PLXDC2: variants seen among roughly 807,000 people sequenced by gnomAD.
The protein encoded by PLXDC2 is plexin domain containing 2, also known as plexin domain-containing protein 2.
Under a neutral mutation model 68.9 loss-of-function variants are expected in PLXDC2, and 40 were observed. The observed-to-expected ratio is 0.58, with a 90% confidence interval of 0.45 to 0.76. The LOEUF is 0.76. PLXDC2 is among the 30% of genes least tolerant of loss of function. The probability of loss-of-function intolerance (pLI) is 0.00; values close to 1 mark genes in which losing one functional copy is unlikely to be tolerated. For synonymous variants in PLXDC2, 243 were observed against 234.2 expected (o/e 1.04, Z -0.34); for missense variants, 644 against 661.9 (o/e 0.97, Z 0.30).
At chr10:19,915,151 C>T (rs901097683) in intron 1 of PLXDC2, among the ~76,000 whole-genome samples, 1 of 152,062 alleles carries the variant, frequency 6.6e-6, no homozygotes, top group Non-Finnish European at 1.5e-5. Flanking sequence ...CTCAACTCTG[C>T]CATTTTAATA....
Position 19,883,711 on chromosome 10 carries a change from G to GAGAGA in PLXDC2, c.112+66524_112+66528dup, listed in dbSNP as rs1033042018. On this transcript the variant is annotated intron_variant, in intron 1 of 13. Transcript: ENST00000377252. Reference sequence around the variant, plus strand: ...TCTTCAGACTTGAAAAAAAAATTCAGAGAGAAGAATGGGTAATAAAAAGAA... The same window carrying GAGAGA: ...TCTTCAGACTTGAAAAAAAAATTCAGAGAGAAGAGAAGAATGGGTAATAAAAAGAA... Among the ~76,000 whole-genome samples the GAGAGA allele has an allele frequency of 1.5e-4, 23 of 151,636 alleles. 1 individual carries two copies. Among genetic ancestry groups the GAGAGA allele is most frequent in the African/African-American group, 5.1e-4 (21 of 41,296 alleles).
At chr10:20,068,090 G>A (rs1191522660) in intron 3 of PLXDC2, 80 bp from the exon 4 acceptor site, 3 of 1,235,718 alleles carry the variant, frequency 2.4e-6, no homozygotes, top group Non-Finnish European at 2.3e-6. Context: ...CATCATTTTT[G>A]TTTTAAGTGA....
intron 1 of PLXDC2, among the ~76,000 whole-genome samples, chr10:19,984,987 T>C (rs1834612535): frequency 6.6e-6 from 1 of 152,238 alleles, no homozygotes; most frequent in South Asian, 2.1e-4. Flanking sequence ...TAAAAGGAAA[T>C]TGCATTTCTG....
At position 20,146,976 on chromosome 10, in the gene PLXDC2, T is replaced by G. The variant is rs149533324; in HGVS notation, c.665-808T>G. Among the ~76,000 whole-genome samples the G allele has an allele frequency of 2.7e-3, 410 of 152,210 alleles. 3 individuals are homozygous for G. The highest frequency in any genetic ancestry group is 8.6e-3 in the African/African-American group (358 of 41,540). On this transcript the variant is annotated intron_variant, in intron 5 of 13. Transcript: ENST00000377252. ...AAACAGAAAAATCTAATATTTAGAG[T>G]GAAGAAAAAGTCTTAGCAGCTCATT...
intron 12 of PLXDC2, among the ~76,000 whole-genome samples, chr10:20,231,393 G>A (rs1835361985): frequency 6.6e-6 from 1 of 151,248 alleles, no homozygotes; most frequent in African/African-American, 2.4e-5. Flanking sequence ...TTTGTAGAAT[G>A]CTGCTAAAAA....
At chr10:19,927,713 CAAAAAAAAAAAAA>C (rs35250324) in intron 1 of PLXDC2, among the ~76,000 whole-genome samples, 1 of 53,142 alleles carries the variant, frequency 1.9e-5, no homozygotes, top group Admixed American at 3.4e-4. Context: ...GGAAAAAAAG[CAAAAAAAAAAAAA>C]AAAAAAAAAA....
intron 1 of PLXDC2, among the ~76,000 whole-genome samples, chr10:19,821,231 G>T (rs1403577417): frequency 2.0e-5 from 3 of 152,184 alleles, no homozygotes; most frequent in African/African-American, 7.2e-5. Flanking sequence ...TCCCCTGCCT[G>T]TTCTTGAAAG....
rs77346042 is a variant in PLXDC2 at position 20,159,797 on chromosome 10, G to A, written c.784-4671G>A. ...TTCAGTCAAGCCCTTTACATGTGCC[G>A]GTACATCTACCCACAGTTGTTTCCC... On this transcript the variant is annotated intron_variant, in intron 6 of 13. Coordinates refer to ENST00000377252, the MANE Select transcript of PLXDC2 (RefSeq NM_032812.9). Among the ~76,000 whole-genome samples, 1,075 of 152,162 alleles carry A rather than the reference G, an allele frequency of 7.1e-3. 18 individuals carry two copies. Among genetic ancestry groups the A allele is most frequent in the African/African-American group, 0.025 (1,023 of 41,504 alleles).
At chr10:20,121,919 C>T (rs1263198688) in intron 4 of PLXDC2, among the ~76,000 whole-genome samples, 1 of 152,002 alleles carries the variant, frequency 6.6e-6, no homozygotes, top group African/African-American at 2.4e-5. Flanking sequence ...TGGCATCAAT[C>T]GGGGTAAGGG....
At chr10:20,122,307 G>T (rs531140387) in intron 4 of PLXDC2, among the ~76,000 whole-genome samples, 1 of 152,162 alleles carries the variant, frequency 6.6e-6, no homozygotes, top group Non-Finnish European at 1.5e-5. Context: ...AATGCGGAGT[G>T]AGTAGCCTCC....
At chr10:20,174,360 A>G (rs963711370) in intron 7 of PLXDC2, among the ~76,000 whole-genome samples, 6 of 152,156 alleles carry the variant, frequency 3.9e-5, no homozygotes, top group Non-Finnish European at 5.9e-5. Context: ...ACTATGTACC[A>G]TGAAACCAGC....
chr10:20,261,887 A>G (rs1301284365), intron 13 of PLXDC2, among the ~76,000 whole-genome samples: 1 of 152,082 alleles, frequency 6.6e-6, no homozygotes, highest in Non-Finnish European at 1.5e-5. Context: ...GCAAAGAATA[A>G]TATCCCTACA....
chr10:19,981,154 A>G (rs565348583), intron 1 of PLXDC2, among the ~76,000 whole-genome samples: 15 of 152,284 alleles, frequency 9.9e-5, no homozygotes, highest in Admixed American at 2.0e-4. Flanking sequence ...TGAATCTTCA[A>G]TAGTTGAATC....
chr10:20,195,275 C>G (rs1834822421), intron 9 of PLXDC2, among the ~76,000 whole-genome samples: 1 of 152,108 alleles, frequency 6.6e-6, no homozygotes, highest in Non-Finnish European at 1.5e-5. Context: ...TCCTTGAACT[C>G]TGGACAGAGC....
chr10:19,857,820 A>G (rs1372611447), intron 1 of PLXDC2, among the ~76,000 whole-genome samples: 1 of 152,194 alleles, frequency 6.6e-6, no homozygotes, highest in African/African-American at 2.4e-5. Flanking sequence ...ATGTAAAGAA[A>G]TCTTATTTAC....
At chr10:19,876,345 T>C (rs1322820004) in intron 1 of PLXDC2, among the ~76,000 whole-genome samples, 2 of 152,168 alleles carry the variant, frequency 1.3e-5, no homozygotes, top group Non-Finnish European at 2.9e-5. Flanking sequence ...GTGAAATGTA[T>C]ACAAAGATGT....
chr10:20,093,237 T>A lies in PLXDC2; in HGVS notation c.541+24998T>A, dbSNP rs527612289. ...ATTTCGTGTATAAAATAAATCACCATAATATTTATTTTTGTTTTCTTTCTC... is the reference window on the plus strand; with the variant it reads ...ATTTCGTGTATAAAATAAATCACCAAAATATTTATTTTTGTTTTCTTTCTC... On this transcript the variant is annotated intron_variant, in intron 4 of 13. Transcript: ENST00000377252. 1.1e-4 allele frequency among the ~76,000 whole-genome samples: 16 copies of A among 152,330 alleles called. No individual in the cohort carries two copies. The South Asian group carries it at 2.5e-3, about 24-fold the overall frequency.
chr10:19,846,522 A>G (rs750039141), intron 1 of PLXDC2, among the ~76,000 whole-genome samples: 2 of 152,192 alleles, frequency 1.3e-5, no homozygotes, highest in Non-Finnish European at 2.9e-5. Context: ...CTCTTTCATT[A>G]TAAAGAATAA....
intron 7 of PLXDC2, among the ~76,000 whole-genome samples, chr10:20,171,177 T>C (rs1834441569): frequency 6.6e-6 from 1 of 152,128 alleles, no homozygotes. Flanking sequence ...AACTTTTTTT[T>C]ATTCTATAAT....
Sources: allele counts gnomAD v4.1 joint callset (sites outside exome capture counted in the v4.1 genomes callset), GRCh38; gene constraint gnomAD v4.1.1; transcripts MANE v1.5; gene names NCBI Gene and HGNC (gene_info 2026-07-23, HGNC 2026-07-21).